Variants in SLC25A40 observed in about 807,000 individuals in gnomAD.
SLC25A40 encodes the protein solute carrier family 25 member 40.
SLC25A40 carries 41 observed loss-of-function variants against 46.5 expected under a neutral mutation model. The ratio of observed to expected loss-of-function variants is 0.88; its 90% CI spans 0.69 to 1.14. SLC25A40 has a LOEUF of 1.14. SLC25A40 is among the 50% of genes most tolerant of loss of function. The pLI is 0.00. For missense variants in SLC25A40, 386 were observed against 393.6 expected, an observed-to-expected ratio of 0.98 and a Z score of 0.16; for synonymous variants, 126 against 127.5, an observed-to-expected ratio of 0.99 and a Z score of 0.08.
intron 1 of SLC25A40, among the ~76,000 whole-genome samples, chr7:87,863,390 T>G (rs1232420795): frequency 1.3e-5 from 2 of 152,004 alleles, no homozygotes; most frequent in African/African-American, 4.8e-5. Context: ...TCCCCCCTTT[T>G]GCTTGGCACT....
chr7:87,858,576 T>C, intron 3 of SLC25A40, 55 bp downstream of exon 3: 1 of 960,166 alleles, frequency 1.0e-6, no homozygotes, highest in Non-Finnish European at 1.7e-6. Flanking sequence ...AAAACTCAAA[T>C]GGAAGCACTG....
intron 6 of SLC25A40, 131 bp from the exon 7 acceptor site, chr7:87,848,108 C>T: frequency 2.0e-6 from 2 of 1,021,160 alleles, no homozygotes; most frequent in Admixed American, 3.5e-5. Flanking sequence ...TACAATAAAT[C>T]AGCCTATGAG....
At position 87,849,955 on chromosome 7, in the gene SLC25A40, T is replaced by A; in HGVS notation, c.265-7A>T. ...TGATTTTAAAAAATGCATCCTAAAG[T>A]TATAATAGAAAAAAAGTAATCAAAA... is the stretch of plus-strand genomic sequence containing the variant. On this transcript the variant is annotated splice_region_variant and splice_polypyrimidine_tract_variant and intron_variant, in intron 5 of 11. Transcript: ENST00000341119. The A allele has an allele frequency of 6.4e-7, 1 of 1,565,058 alleles. No homozygotes were observed. The highest frequency in any genetic ancestry group is 1.4e-5 in the African/African-American group (1 of 73,136).
rs936899167 is a variant in SLC25A40, at chr7:87,851,553, C to T, written c.265-1605G>A. On this transcript the variant is annotated intron_variant, in intron 5 of 11. Coordinates refer to ENST00000341119, the MANE Select transcript of SLC25A40 (RefSeq NM_018843.4). ...CAGGTCAGCAATAAGGCTCCTTTGTCCCTCTGCTAGGGTGGTGTCACAGGA... is the reference window on the plus strand; with the variant it reads ...CAGGTCAGCAATAAGGCTCCTTTGTTCCTCTGCTAGGGTGGTGTCACAGGA... 2.6e-5 allele frequency among the ~76,000 whole-genome samples: 4 copies of T among 152,308 alleles called. No homozygotes were observed. In the South Asian group the frequency reaches 8.3e-4, roughly 32 times the overall value.
chr7:87,848,762 C>T (rs1341438766), intron 6 of SLC25A40, among the ~76,000 whole-genome samples: 1 of 152,142 alleles, frequency 6.6e-6, no homozygotes, highest in Non-Finnish European at 1.5e-5. Context: ...ATTAGTGCAA[C>T]AAGAAACTAG....
At chr7:87,858,803 T>C (rs549934603) in intron 2 of SLC25A40, 52 bp from the exon 3 acceptor site, 1 of 1,003,450 alleles carries the variant, frequency 1.0e-6, no homozygotes, top group South Asian at 1.3e-5. Flanking sequence ...CTTTCAAAAA[T>C]GATAACATCC....
Position 87,847,010 on chromosome 7 carries a change from A to T in SLC25A40, c.570T>A (p.Asp190Glu), listed in dbSNP as rs1202962767. The change falls in exon 8 of 12, where the codon GAT becomes GAA. Residue 190 changes from aspartate (D) to glutamate (E), a missense_variant. By Grantham distance (45) the Asp-to-Glu change is conservative (BLOSUM62 2). Transcript: ENST00000341119. The part of the protein sequence containing the change: ...HRFVSKKVSE[D>E]GWISLWRGWA... The stretch of plus-strand genomic sequence containing the variant: ...AGCCCCTCCAAAGGGAAATCCAACC[A>T]TCTTCAGATACTTTCTTGCTGACAA... The T allele has an allele frequency of 1.9e-6, 3 of 1,613,714 alleles. No individual in the cohort carries two copies. Among genetic ancestry groups the T allele is most frequent in the Non-Finnish European group, 2.5e-6 (3 of 1,179,828 alleles).
rs771257982 is a variant in SLC25A40, at chr7:87,856,312, T to C, written c.137A>G (p.Gln46Arg). Reference protein sequence around the residue: ...LDVVKIRLQAQNNPLPKGKCF... With the variant: ...LDVVKIRLQARNNPLPKGKCF... Reference sequence around the variant, plus strand: ...CATACCTTTGGGGAGTGGGTTGTTTTGGGCTTGGAGTCTAATTTTAACAAC... The same window carrying C: ...CATACCTTTGGGGAGTGGGTTGTTTCGGGCTTGGAGTCTAATTTTAACAAC... The change falls in exon 4 of 12, where the codon CAA becomes CGA. Residue 46 changes from glutamine (Q) to arginine (R), a missense_variant. Physicochemically the swap from Gln to Arg is conservative, Grantham distance 43. Transcript: ENST00000341119. 6 of 1,613,320 alleles carry C rather than the reference T, an allele frequency of 3.7e-6. No homozygotes were observed. Among genetic ancestry groups the C allele is most frequent in the Admixed American group, 1.7e-5 (1 of 60,006 alleles).
At chr7:87,865,819 T>C (rs1838786149) in intron 1 of SLC25A40, among the ~76,000 whole-genome samples, 1 of 151,670 alleles carries the variant, frequency 6.6e-6, no homozygotes, top group Non-Finnish European at 1.5e-5. Flanking sequence ...CAGTGGTCCA[T>C]GCCTATAATC....
rs1216234627 is a variant in SLC25A40 at position 87,833,948 on chromosome 7, AAATC to A, written c.*2297_*2300del. 1.3e-4 allele frequency: 20 copies of A among 151,956 alleles called. No individual in the cohort carries two copies. The highest frequency in any genetic ancestry group is 4.8e-4 in the African/African-American group (20 of 41,436). 9.4% of individuals were successfully genotyped at this position (151,956 alleles called of 1,614,324 possible). A position where few individuals can be genotyped will look rare whatever the true frequency, so the allele number is the denominator to read the frequency against. ...AAAAAAAAATATTGCCTTTTAAAAA[AAATC>A]AAATATGTACTACTTTAAAGGTTGC... On this transcript the variant is annotated 3_prime_UTR_variant, in exon 12 of 12. Transcript: ENST00000341119.
chr7:87,852,447 T>C (rs1463722753), intron 5 of SLC25A40, among the ~76,000 whole-genome samples: 3 of 152,108 alleles, frequency 2.0e-5, no homozygotes, highest in Non-Finnish European at 4.4e-5. Flanking sequence ...CACATGCCTA[T>C]AGTCCCAGCT....
rs988315740 is a variant in SLC25A40, at chr7:87,847,022, T to C, written c.558A>G (p.Lys186=). Residue 186 remains lysine (K), a synonymous_variant, in exon 8 of 12, where the codon AAA becomes AAG. Coordinates refer to ENST00000341119, the MANE Select transcript of SLC25A40 (RefSeq NM_018843.4). ...YVELHRFVSK[K]VSEDGWISLW... ...GGGAAATCCAACCATCTTCAGATAC[T>C]TTCTTGCTGACAAATCGATGCAGTT... The C allele has an allele frequency of 1.2e-6, 2 of 1,613,744 alleles. No homozygotes were observed. Among genetic ancestry groups the C allele is most frequent in the South Asian group, 1.1e-5 (1 of 91,068 alleles).
At chr7:87,852,483 C>CT (rs1163425312) in intron 5 of SLC25A40, among the ~76,000 whole-genome samples, 1 of 152,060 alleles carries the variant, frequency 6.6e-6, no homozygotes, top group Non-Finnish European at 1.5e-5. Context: ...GTGGGAGAAT[C>CT]TCTTGAGGCG....
intron 1 of SLC25A40, among the ~76,000 whole-genome samples, chr7:87,863,619 G>A (rs1008164731): frequency 6.6e-6 from 1 of 150,452 alleles, no homozygotes; most frequent in Non-Finnish European, 1.5e-5. Flanking sequence ...TGTTTTGGGG[G>A]TACATGTGAT....
intron 1 of SLC25A40, among the ~76,000 whole-genome samples, chr7:87,871,856 A>C (rs1838900595): frequency 6.6e-6 from 1 of 152,230 alleles, no homozygotes; most frequent in South Asian, 2.1e-4. Context: ...TTTAGTAGAT[A>C]TAAGAATATT....
chr7:87,865,127 C>T (rs1838770595), intron 1 of SLC25A40, among the ~76,000 whole-genome samples: 1 of 152,004 alleles, frequency 6.6e-6, no homozygotes, highest in Admixed American at 6.6e-5. Context: ...CAGGCACGAG[C>T]CACCACTACT....
intron 4 of SLC25A40, 151 bp downstream of exon 4, chr7:87,856,141 C>T (rs1336769726): frequency 9.5e-6 from 6 of 633,696 alleles, no homozygotes; most frequent in African/African-American, 1.9e-5. Flanking sequence ...CACCTCATCA[C>T]GTACAACTAA....
At chr7:87,869,732 T>C (rs771673926) in intron 1 of SLC25A40, among the ~76,000 whole-genome samples, 5 of 152,224 alleles carry the variant, frequency 3.3e-5, no homozygotes, top group Non-Finnish European at 5.9e-5. Context: ...CATTTATCTG[T>C]TGATGAAAAT....
chr7:87,850,150 C>T (rs1838486420), intron 5 of SLC25A40, among the ~76,000 whole-genome samples: 1 of 152,068 alleles, frequency 6.6e-6, no homozygotes, highest in African/African-American at 2.4e-5. Context: ...ATACTAACTT[C>T]TTACAGAATG....
Sources: gnomAD v4.1 joint callset for allele counts (sites outside exome capture counted in the v4.1 genomes callset) on GRCh38, gnomAD v4.1.1 for gene constraint, MANE v1.5 for transcripts, NCBI Gene and HGNC (gene_info 2026-07-23, HGNC 2026-07-21) for gene names.